The following MACF1 variants were observed in gnomAD, a reference collection of about 807,000 sequenced individuals.
The protein encoded by MACF1 is microtubule actin crosslinking factor 1, also known as microtubule-actin cross-linking factor 1.
In MACF1, 193 loss-of-function variants were observed where a neutral mutation model predicts 854.8. The observed-to-expected ratio is 0.23, with a 90% CI of 0.20 to 0.25. The LOEUF is 0.25. Ranked by LOEUF, MACF1 falls within the 10% of genes least tolerant of loss-of-function variation. MACF1 has a pLI of 1.00. For synonymous variants in MACF1, 3,185 were observed against 3,226.7 expected (o/e 0.99, Z 0.44); for missense variants, 7,722 against 8,929.1 (o/e 0.86, Z 5.45).
At chr1:39,111,320 G>T (rs10788919) in intron 2 of MACF1, among the ~76,000 whole-genome samples, 1 of 151,954 alleles carries the variant, frequency 6.6e-6, no homozygotes, top group African/African-American at 2.4e-5. Context: ...CTCAGCCTCC[G>T]GAGTAGCTAG....
At position 39,357,645 on chromosome 1, in the gene MACF1, G is replaced by A. The variant is rs553068774; in HGVS notation, c.11695G>A (p.Glu3899Lys). Residue 3899 changes from glutamate (E) to lysine (K), a missense_variant, in exon 45 of 101, where the codon GAG becomes AAG. Around this residue, in one of 15 missense-constraint regions of MACF1, gnomAD observed 2,807 missense variants for 3,235.8 expected, o/e 0.87. Transcript: ENST00000564288. ...AAGCTGGTTGGAACGATCCGAGAAA[G>A]AGCTGGAGAACATGCATAAGGGAGG... ...FESWLERSEK[E>K]LENMHKGGSS... The A allele has an allele frequency of 1.2e-6, 2 of 1,614,202 alleles. No homozygotes were observed. Among genetic ancestry groups the A allele is most frequent in the East Asian group, 4.5e-5 (2 of 44,884 alleles).
At chr1:39,143,965 T>A (rs1456279517) in intron 2 of MACF1, among the ~76,000 whole-genome samples, 2 of 151,932 alleles carry the variant, frequency 1.3e-5, no homozygotes, top group Non-Finnish European at 2.9e-5. Context: ...TTTTTTTTCA[T>A]TTTTAGTAGA....
chr1:39,400,446 G>T (rs1450645589), intron 58 of MACF1, among the ~76,000 whole-genome samples: 1 of 151,732 alleles, frequency 6.6e-6, no homozygotes, highest in Non-Finnish European at 1.5e-5. Context: ...TTAAAAAGAA[G>T]CTTATCTAGA....
At chr1:39,444,470 T>G (rs1346400384) in intron 79 of MACF1, among the ~76,000 whole-genome samples, 192 bp from the exon 80 acceptor site, 1 of 152,260 alleles carries the variant, frequency 6.6e-6, no homozygotes, top group African/African-American at 2.4e-5. Context: ...ATTTAGTTAT[T>G]ACAATTAATT....
intron 2 of MACF1, among the ~76,000 whole-genome samples, chr1:39,085,469 C>T (rs1641648015): frequency 6.6e-6 from 1 of 152,262 alleles, no homozygotes; most frequent in African/African-American, 2.4e-5. Context: ...TTGTGTCCCT[C>T]AAATAATACA....
At position 39,156,687 on chromosome 1, in the gene MACF1, C is replaced by T. The variant is rs543903471; in HGVS notation, c.220+72249C>T. Among the ~76,000 whole-genome samples the T allele has an allele frequency of 3.9e-5, 6 of 152,268 alleles. No individual in the cohort carries two copies. The East Asian group carries it at 1.2e-3, about 29-fold the overall frequency. ...TAGTTAGTGGCAAAGTTGAGATAGA[C>T]TCTGAAATCCTGGGATTGACTCTAC... On this transcript the variant is annotated intron_variant, in intron 2 of 93. Coordinates refer to the MACF1 transcript ENST00000361689.
chr1:39,134,207 AT>A (rs34022052), intron 2 of MACF1, among the ~76,000 whole-genome samples: 17 of 144,846 alleles, frequency 1.2e-4, no homozygotes, highest in African/African-American at 1.3e-4. Context: ...CGCCCGGCTA[AT>A]TTTTTTTTTT....
chr1:39,414,121 G>T, intron 58 of MACF1: 1 of 1,608,364 alleles, frequency 6.2e-7, no homozygotes, highest in Middle Eastern at 1.7e-4. Context: ...CCCAGCAGCT[G>T]CAGTGTCCAA....
intron 2 of MACF1, among the ~76,000 whole-genome samples, chr1:39,089,920 T>G (rs1412179145): frequency 6.6e-6 from 1 of 152,212 alleles, no homozygotes; most frequent in African/African-American, 2.4e-5. Flanking sequence ...ACATGGCCCG[T>G]TACTGCACTT....
chr1:39,348,936 G>C (rs74066753), intron 41 of MACF1, among the ~76,000 whole-genome samples: 4,805 of 152,188 alleles, frequency 0.032, 258 homozygotes, highest in African/African-American at 0.11. Context: ...CATGCCTGGC[G>C]TGTAATCATT....
chr1:39,257,658 A>T, intron 5 of MACF1: 1 of 327,544 alleles, frequency 3.1e-6, no homozygotes. Flanking sequence ...CTCTGGAAAA[A>T]GCAAAACAAG....
At position 39,340,649 on chromosome 1, in the gene MACF1, C is replaced by A. The variant is rs367556589; in HGVS notation, c.10363C>A (p.Leu3455Ile). ...AGATGCCAAGAATCTTCAGAAGTCT[C>A]TCAGCTCTGTGAGTGACACTTGGAA... ...EKDAKNLQKS[L>I]SSVSDTWNSR... The change falls in exon 39 of 101, where the codon CTC (leucine) becomes ATC (isoleucine). Residue 3455 changes from leucine (L) to isoleucine (I), a missense_variant. Leu to Ile is a conservative substitution (Grantham distance 5). This residue lies in a region of MACF1 where 854 missense variants were observed against 852.6 expected (regional missense o/e 1.00). Transcript: ENST00000564288. 1 of 1,614,118 alleles carries A rather than the reference C, an allele frequency of 6.2e-7. No homozygotes were observed. Among genetic ancestry groups the A allele is most frequent in the Non-Finnish European group, 8.5e-7 (1 of 1,180,060 alleles).
At chr1:39,205,462 T>A (rs764673453) in intron 1 of MACF1, among the ~76,000 whole-genome samples, 5 of 152,206 alleles carry the variant, frequency 3.3e-5, no homozygotes, top group Admixed American at 6.5e-5. Flanking sequence ...TCTTTCTTTC[T>A]CAATCTCAGA....
intron 51 of MACF1, among the ~76,000 whole-genome samples, chr1:39,371,336 AAAAAG>A (rs1470964517): frequency 2.0e-5 from 3 of 151,896 alleles, no homozygotes; most frequent in African/African-American, 7.2e-5. Flanking sequence ...AAAAAAAAAA[AAAAAG>A]AGTGATTAAT....
intron 2 of MACF1, among the ~76,000 whole-genome samples, chr1:39,174,680 G>A (rs1644001528): frequency 6.6e-6 from 1 of 152,128 alleles, no homozygotes; most frequent in Non-Finnish European, 1.5e-5. Context: ...GCGAGGGTTG[G>A]GTTGTGTACT....
At chr1:39,412,513 G>T (rs541803925) in intron 58 of MACF1, 1 of 1,613,982 alleles carries the variant, frequency 6.2e-7, no homozygotes, top group Non-Finnish European at 8.5e-7. Context: ...GGTCTTCCAG[G>T]ATCTCCAGAG....
At position 39,332,246 on chromosome 1, in the gene MACF1, TAA is replaced by T; in HGVS notation, c.5659_5660del (p.Lys1887GlyfsTer24). The stretch of plus-strand genomic sequence containing the variant: ...AAATCCTTAGTAACCGACAGCATAT[TAA>T]GGCTCTGTTTCTACCAGCAACCACA... The part of the protein sequence containing the change: ...HKILSNRQHI[K>X]ALFLPATTEI... On this transcript the variant is annotated frameshift_variant, in exon 37 of 101. Transcript: ENST00000564288. LOFTEE classifies it high-confidence loss of function. 6.2e-7 allele frequency: 1 copy of T among 1,613,990 alleles called. No individual in the cohort carries two copies. The highest frequency in any genetic ancestry group is 8.5e-7 in the Non-Finnish European group (1 of 1,180,008).
intron 93 of MACF1, among the ~76,000 whole-genome samples, chr1:39,462,645 A>T (rs1422631776): frequency 2.0e-5 from 3 of 152,010 alleles, no homozygotes; most frequent in Non-Finnish European, 4.4e-5. Context: ...AGCATGGGAG[A>T]TCAAAGGTGT....
chr1:39,242,614 G>A (rs1271204104), intron 2 of MACF1, among the ~76,000 whole-genome samples: 1 of 151,592 alleles, frequency 6.6e-6, no homozygotes, highest in Non-Finnish European at 1.5e-5. Context: ...GCCAAGCATG[G>A]TTGTATGCGC....
Sources: allele counts gnomAD v4.1 joint callset (sites outside exome capture counted in the v4.1 genomes callset), GRCh38; gene constraint gnomAD v4.1.1; regional missense constraint gnomAD v4.1.1; transcripts MANE v1.5; gene names NCBI Gene and HGNC (gene_info 2026-07-23, HGNC 2026-07-21).